MCM8: variants seen among roughly 807,000 people sequenced by gnomAD.
MCM8 encodes minichromosome maintenance 8 homologous recombination repair factor.
In MCM8, 85 loss-of-function variants were observed where a neutral mutation model predicts 98.9. The observed-to-expected ratio is 0.86, with a 90% CI of 0.72 to 1.03. The LOEUF is 1.03. Among genes scored for constraint, MCM8 ranks in the 50% least tolerant of loss-of-function variants. MCM8 has a pLI of 0.00. For missense variants in MCM8, 951 were observed against 997.8 expected (o/e 0.95, Z 0.63); for synonymous variants, 352 against 338.6 (o/e 1.04, Z -0.44).
intron 13 of MCM8, among the ~76,000 whole-genome samples, chr20:5,981,522 C>G (rs1481243887): frequency 6.6e-6 from 1 of 152,098 alleles, no homozygotes; most frequent in African/African-American, 2.4e-5. Flanking sequence ...CCTCCTAAAT[C>G]ATTACGTTAC....
At chr20:5,962,244 T>G (rs911907670) in intron 7 of MCM8, among the ~76,000 whole-genome samples, 1 of 152,156 alleles carries the variant, frequency 6.6e-6, no homozygotes, top group East Asian at 1.9e-4. Flanking sequence ...CCTTGCCTTT[T>G]GTGAGCTAGT....
At position 5,954,368 on chromosome 20, in the gene MCM8, T is replaced by C. The variant is rs540881653; in HGVS notation, c.254-240T>C. On this transcript the variant is annotated intron_variant, in intron 3 of 18. Transcript: ENST00000610722. ...GGTGTCAAAGATGCAAAACAAAGTT[T>C]CCCAGATAGTGGGGCTTTTAGAGAG... Among the ~76,000 whole-genome samples the C allele has an allele frequency of 7.9e-5, 12 of 152,338 alleles. 1 individual carries two copies. The highest frequency in any genetic ancestry group is 4.1e-4 in the South Asian group (2 of 4,822).
Position 5,954,589 on chromosome 20 carries a change from G to A in MCM8, c.254-19G>A. 1.4e-6 allele frequency: 2 copies of A among 1,473,250 alleles called. 1 individual carries two copies. Among genetic ancestry groups the A allele is most frequent in the South Asian group, 2.3e-5 (2 of 87,624 alleles). The allele number at this position is 1,473,250 out of a possible 1,614,324, so 91.3% of individuals were successfully genotyped here. A position where few individuals can be genotyped will look rare whatever the true frequency, so the allele number is the denominator to read the frequency against. ...TACCTGTGTGATTATTTGTGCTAAT[G>A]CCATATTTGTTGGATTAGTTTACAG... On this transcript the variant is annotated intron_variant, in intron 3 of 18. Coordinates refer to ENST00000610722, the MANE Select transcript of MCM8 (RefSeq NM_032485.6).
In MCM8 at chr20:5,994,815, A is replaced by G; in HGVS notation, c.*424A>G. On this transcript the variant is annotated 3_prime_UTR_variant, in exon 19 of 19. Transcript: ENST00000610722. The stretch of plus-strand genomic sequence containing the variant: ...TCTCAGCTACTTGTGAGGCTGAGGC[A>G]GGAGGATTCTTTGAGCCCAGGAGTT... The G allele has an allele frequency of 2.4e-6, 1 of 421,662 alleles. No individual in the cohort carries two copies. The highest frequency in any genetic ancestry group is 1.7e-5 in the South Asian group (1 of 58,168). The allele number at this position is 421,662 out of a possible 1,614,324, so 26.1% of individuals were successfully genotyped here.
intron 13 of MCM8, among the ~76,000 whole-genome samples, chr20:5,982,007 A>G (rs1465216972): frequency 2.0e-5 from 3 of 152,222 alleles, no homozygotes; most frequent in Admixed American, 6.5e-5. Flanking sequence ...TAACAGAGAT[A>G]GAGAACAAAG....
At chr20:5,975,090 C>T (rs906627813) in intron 12 of MCM8, among the ~76,000 whole-genome samples, 1 of 152,058 alleles carries the variant, frequency 6.6e-6, no homozygotes, top group African/African-American at 2.4e-5. Context: ...GAGACCCTAT[C>T]TCTACAAAAA....
At chr20:5,954,878 T>A (rs2088932883) in intron 4 of MCM8, among the ~76,000 whole-genome samples, 188 bp downstream of exon 4, 1 of 152,194 alleles carries the variant, frequency 6.6e-6, no homozygotes, top group Non-Finnish European at 1.5e-5. Flanking sequence ...CATTTGGAGA[T>A]AGAGGTATAA....
chr20:5,985,083 A>T lies in MCM8; in HGVS notation c.1953+83A>T, dbSNP rs1212245979. The T allele has an allele frequency of 3.6e-6, 4 of 1,107,476 alleles. No homozygotes were observed. The African/African-American group carries it at 6.3e-5, about 17-fold the overall frequency. 68.6% of individuals were successfully genotyped at this position (1,107,476 alleles called of 1,614,324 possible). On this transcript the variant is annotated intron_variant, in intron 15 of 18. Transcript: ENST00000610722. ...GTGTGGCTTATTGTAGAGCAGTAGG[A>T]TACAAACTTTTTTTTTACCAGAACT...
rs1000919319 is a variant in MCM8, at chr20:5,996,555, A to G, written c.*2164A>G. ...GATATTTAAAGCTGAAAAAAAATCT[A>G]TTAATAGAATTTAAAACATTTCACA... On this transcript the variant is annotated 3_prime_UTR_variant, in exon 19 of 19. Coordinates refer to ENST00000610722, the MANE Select transcript of MCM8 (RefSeq NM_032485.6). The G allele has an allele frequency of 5.9e-5, 9 of 152,330 alleles. No individual in the cohort carries two copies. The highest frequency in any genetic ancestry group is 1.9e-4 in the African/African-American group (8 of 41,576). 9.4% of individuals were successfully genotyped at this position (152,330 alleles called of 1,614,324 possible).
chr20:5,987,356 T>C lies in MCM8; in HGVS notation c.2238T>C (p.Tyr746=), dbSNP rs1392879294. 6 of 1,606,986 alleles carry C rather than the reference T, an allele frequency of 3.7e-6. No individual in the cohort carries two copies. The highest frequency in any genetic ancestry group is 4.5e-5 in the East Asian group (2 of 44,754). The change falls in exon 17 of 19, where the codon TAT becomes TAC. Residue 746 remains tyrosine, a splice_region_variant and synonymous_variant. Transcript: ENST00000610722. ...AGGATATAGTGGAAATTATGAAATA[T>C]AGGTAAGATAAAAATTTCAAATTGT... ...DAEDIVEIMK[Y]SMLGTYSDEF... is the part of the protein sequence containing the mutation.
At chr20:5,993,798 T>C in intron 18 of MCM8, 103 bp downstream of exon 18, 1 of 963,392 alleles carries the variant, frequency 1.0e-6, no homozygotes, top group Non-Finnish European at 1.5e-6. Context: ...TCATACCTGC[T>C]TCTTCTCAAA....
chr20:5,972,703 C>T (rs541138919), intron 11 of MCM8: 15 of 1,268,492 alleles, frequency 1.2e-5, no homozygotes, highest in South Asian at 8.7e-5. Context: ...TACAGGCATG[C>T]GCCACCAGAC....
chr20:5,983,012 A>G lies in MCM8; in HGVS notation c.1580A>G (p.His527Arg). ...IDEFDKMGNQ[H>R]QALLEAMEQQ... ...GAATTTGATAAGATGGGGAATCAAC[A>G]TCAAGCCTTGTTGGAAGCCATGGAG... Residue 527 changes from histidine to arginine, a missense_variant, in exon 14 of 19, where the codon CAT (histidine) becomes CGT (arginine). Transcript: ENST00000610722. 1 of 1,613,784 alleles carries G rather than the reference A, an allele frequency of 6.2e-7. No individual in the cohort carries two copies. The highest frequency in any genetic ancestry group is 8.5e-7 in the Non-Finnish European group (1 of 1,179,966).
At chr20:5,954,854 C>G (rs573539582) in intron 4 of MCM8, among the ~76,000 whole-genome samples, 164 bp downstream of exon 4, 55 of 152,232 alleles carry the variant, frequency 3.6e-4, no homozygotes, top group African/African-American at 1.3e-3. Context: ...CTTCTCTGTG[C>G]CTCAGTTTTC....
At position 5,994,752 on chromosome 20, in the gene MCM8, A is replaced by T. The variant is rs2089929792; in HGVS notation, c.*361A>T. The T allele has an allele frequency of 2.2e-6, 1 of 449,570 alleles. No homozygotes were observed. The allele number at this position is 449,570 out of a possible 1,614,324, so 27.8% of individuals were successfully genotyped here. A position where few individuals can be genotyped will look rare whatever the true frequency, so the allele number is the denominator to read the frequency against. On this transcript the variant is annotated 3_prime_UTR_variant, in exon 19 of 19. Coordinates refer to ENST00000610722, the MANE Select transcript of MCM8 (RefSeq NM_032485.6). ...CATTTCTTAAAAAAAAAAAAAAAAA[A>T]TTTAAACTTAGCTGGGTATGGTGGC... is the stretch of plus-strand genomic sequence containing the variant.
chr20:5,990,585 A>G (rs1330998921), intron 17 of MCM8, among the ~76,000 whole-genome samples: 1 of 152,136 alleles, frequency 6.6e-6, no homozygotes, highest in Non-Finnish European at 1.5e-5. Context: ...TGCTAGGGGC[A>G]TGGTGTGCTA....
At chr20:5,972,231 G>GT (rs1305680894) in intron 11 of MCM8, among the ~76,000 whole-genome samples, 194 bp downstream of exon 11, 3 of 151,188 alleles carry the variant, frequency 2.0e-5, no homozygotes, top group Non-Finnish European at 1.5e-5. Flanking sequence ...TTGAGACAGG[G>GT]TTTTGCTCTG....
Position 5,984,680 on chromosome 20 carries a change from A to T in MCM8, c.1734-101A>T, listed in dbSNP as rs2089694049. The stretch of plus-strand genomic sequence containing the variant: ...CTTTAACCTAAATCTTGGTTTTTCA[A>T]GTTCTGCGTGGAACTTGAGTAGTAA... On this transcript the variant is annotated intron_variant, in intron 14 of 18. Transcript: ENST00000610722. The T allele has an allele frequency of 8.4e-6, 8 of 955,516 alleles. No individual in the cohort carries two copies. The South Asian group carries it at 1.3e-4, about 16-fold the overall frequency. The allele number at this position is 955,516 out of a possible 1,614,324, so 59.2% of individuals were successfully genotyped here.
chr20:5,953,382 G>A (rs1018305399), intron 3 of MCM8, among the ~76,000 whole-genome samples: 2 of 151,858 alleles, frequency 1.3e-5, no homozygotes, highest in African/African-American at 4.8e-5. Flanking sequence ...ATAGGTGCAG[G>A]GAACTGTCTT....
Sources: allele counts gnomAD v4.1 joint callset (sites outside exome capture counted in the v4.1 genomes callset), GRCh38; gene constraint gnomAD v4.1.1; transcripts MANE v1.5; gene names NCBI Gene and HGNC (gene_info 2026-07-23, HGNC 2026-07-21).